Variants in CTNNA2 observed in about 807,000 individuals in gnomAD.
CTNNA2 encodes catenin alpha-2.
Under a neutral mutation model 101.0 loss-of-function variants are expected in CTNNA2, and 42 were observed. The observed-to-expected ratio is 0.42, with a 90% CI of 0.32 to 0.54. CTNNA2 has a LOEUF of 0.54. Ranked by LOEUF, CTNNA2 falls within the 20% of genes least tolerant of loss-of-function variation. CTNNA2 has a pLI of 0.14. For synonymous variants in CTNNA2, 450 were observed against 456.4 expected (o/e 0.99, Z 0.18); for missense variants, 871 against 1,223.1 (o/e 0.71, Z 4.29).
At chr2:79,660,020 G>T (rs76830094) in intron 2 of CTNNA2, among the ~76,000 whole-genome samples, 2,819 of 152,112 alleles carry the variant, frequency 0.019, 88 homozygotes, top group African/African-American at 0.062. Flanking sequence ...AAACTTGGGG[G>T]TGAATGAAGT....
intron 18 of CTNNA2, among the ~76,000 whole-genome samples, chr2:80,645,171 C>T (rs1040672068): frequency 1.1e-4 from 17 of 152,212 alleles, no homozygotes; most frequent in East Asian, 7.7e-4. Flanking sequence ...TCATAGCATG[C>T]GATAGAATTA....
chr2:79,835,355 T>C (rs552856996), intron 3 of CTNNA2, among the ~76,000 whole-genome samples: 20 of 152,340 alleles, frequency 1.3e-4, no homozygotes, highest in South Asian at 6.2e-4. Context: ...GAAATGTGCA[T>C]GTAGAATCAG....
intron 3 of CTNNA2, among the ~76,000 whole-genome samples, chr2:79,841,474 T>C (rs1679805930): frequency 1.3e-5 from 2 of 152,190 alleles, no homozygotes; most frequent in Non-Finnish European, 1.5e-5. Context: ...GTAAATGATA[T>C]CTAATTTTTA....
At chr2:79,569,109 T>A (rs1157539356) in intron 1 of CTNNA2, among the ~76,000 whole-genome samples, 1 of 152,194 alleles carries the variant, frequency 6.6e-6, no homozygotes, top group African/African-American at 2.4e-5. Flanking sequence ...CATTGATTTA[T>A]TTTTTCAAAT....
chr2:79,362,536 T>C (rs994896785), intron 3 of CTNNA2, among the ~76,000 whole-genome samples: 23 of 152,304 alleles, frequency 1.5e-4, no homozygotes, highest in African/African-American at 4.8e-4. Flanking sequence ...AGAAACTCCA[T>C]GGGATTTTCA....
chr2:80,480,973 T>C (rs1686098832), intron 9 of CTNNA2, among the ~76,000 whole-genome samples: 1 of 152,146 alleles, frequency 6.6e-6, no homozygotes, highest in Admixed American at 6.6e-5. Context: ...GAAATGTATT[T>C]TCTAGCTCTA....
chr2:80,034,845 C>T lies in CTNNA2; in HGVS notation c.1056+125048C>T, dbSNP rs149130100. Among the ~76,000 whole-genome samples, 1,210 of 152,230 alleles carry T rather than the reference C, an allele frequency of 7.9e-3. 5 individuals carry two copies. Among genetic ancestry groups the T allele is most frequent in the Middle Eastern group, 0.031 (9 of 294 alleles). On this transcript the variant is annotated intron_variant, in intron 7 of 18. Coordinates refer to ENST00000402739, the MANE Select transcript of CTNNA2 (RefSeq NM_001282597.3). ...AGGAAGGGAGCATAAATCTGCACAACTCCTGTAGAAGAAGTCTGTTTAGAA... is the reference window on the plus strand; with the variant it reads ...AGGAAGGGAGCATAAATCTGCACAATTCCTGTAGAAGAAGTCTGTTTAGAA...
chr2:80,209,296 G>C (rs1382042047), intron 7 of CTNNA2, among the ~76,000 whole-genome samples: 1 of 151,318 alleles, frequency 6.6e-6, no homozygotes, highest in Non-Finnish European at 1.5e-5. Flanking sequence ...CCGCCTCCCA[G>C]GTTGGAGCGA....
At chr2:79,563,461 G>A (rs1013665609) in intron 1 of CTNNA2, among the ~76,000 whole-genome samples, 7 of 151,888 alleles carry the variant, frequency 4.6e-5, no homozygotes, top group African/African-American at 1.7e-4. Context: ...CACTGTATAG[G>A]GAAAGGCATA....
At chr2:80,448,578 T>G (rs1370481886) in intron 9 of CTNNA2, among the ~76,000 whole-genome samples, 1 of 152,198 alleles carries the variant, frequency 6.6e-6, no homozygotes, top group African/African-American at 2.4e-5. Context: ...TGGGTGTCAC[T>G]AATTTGAAGT....
intron 1 of CTNNA2, among the ~76,000 whole-genome samples, chr2:79,629,455 A>G (rs1356923354): frequency 6.6e-6 from 1 of 152,170 alleles, no homozygotes; most frequent in African/African-American, 2.4e-5. Flanking sequence ...AAAAATTCTG[A>G]GCAGTTAAAC....
At chr2:79,478,078 T>C (rs1671072430) in intron 4 of CTNNA2, among the ~76,000 whole-genome samples, 1 of 152,180 alleles carries the variant, frequency 6.6e-6, no homozygotes, top group African/African-American at 2.4e-5. Context: ...TCTCCTTCCT[T>C]CAACTAAGTA....
At chr2:80,118,642 A>G (rs554375476) in intron 7 of CTNNA2, among the ~76,000 whole-genome samples, 30 of 152,366 alleles carry the variant, frequency 2.0e-4, no homozygotes, top group South Asian at 6.2e-4. Context: ...TCATATTTCT[A>G]TGAAGCCAAT....
intron 7 of CTNNA2, among the ~76,000 whole-genome samples, chr2:80,032,916 G>T (rs1695385108): frequency 6.6e-6 from 1 of 151,978 alleles, no homozygotes; most frequent in Admixed American, 6.6e-5. Context: ...ACTTTGGGAG[G>T]CTGAGACAGG....
chr2:80,300,289 T>G (rs930077848), intron 7 of CTNNA2, among the ~76,000 whole-genome samples: 2 of 61,590 alleles, frequency 3.2e-5, no homozygotes, highest in Non-Finnish European at 5.6e-5. Flanking sequence ...GGGGTGTGTG[T>G]GTGTGTGTGT....
chr2:79,304,027 C>T (rs1465985098), intron 2 of CTNNA2, among the ~76,000 whole-genome samples: 1 of 152,086 alleles, frequency 6.6e-6, no homozygotes, highest in East Asian at 1.9e-4. Flanking sequence ...TGGGAGCACT[C>T]ACTGTGGCAC....
At chr2:80,215,475 CT>C (rs1708204467) in intron 7 of CTNNA2, among the ~76,000 whole-genome samples, 1 of 152,176 alleles carries the variant, frequency 6.6e-6, no homozygotes, top group Admixed American at 6.5e-5. Context: ...AGTTTTCCTT[CT>C]AACAGTCAGG....
At chr2:80,544,702 C>T (rs181089432) in intron 9 of CTNNA2, among the ~76,000 whole-genome samples, 13 of 152,140 alleles carry the variant, frequency 8.5e-5, no homozygotes, top group East Asian at 3.9e-4. Context: ...AGAGTGTAGG[C>T]GGATCAAGGC....
In CTNNA2 at chr2:80,133,076, G is replaced by T. The variant is rs527309064; in HGVS notation, c.1056+223279G>T. ...ATTAGATGGGACCTAATTTAATATG[G>T]CTGATGCCCTTATAAGAAGAGGGAA... On this transcript the variant is annotated intron_variant, in intron 7 of 18. Transcript: ENST00000402739. Among the ~76,000 whole-genome samples, 195 of 152,254 alleles carry T rather than the reference G, an allele frequency of 1.3e-3. 3 individuals carry two copies. Among genetic ancestry groups the T allele is most frequent in the African/African-American group, 4.5e-3 (188 of 41,552 alleles).
Sources: gnomAD v4.1 joint callset for allele counts (sites outside exome capture counted in the v4.1 genomes callset) on GRCh38, gnomAD v4.1.1 for gene constraint, MANE v1.5 for transcripts, NCBI Gene and HGNC (gene_info 2026-07-23, HGNC 2026-07-21) for gene names.